The following FAM186A variants were observed in gnomAD, a reference collection of about 807,000 sequenced individuals.
FAM186A encodes the protein protein FAM186A.
Under a neutral mutation model 216.8 loss-of-function variants are expected in FAM186A, and 163 were observed. The ratio of observed to expected loss-of-function variants is 0.75; its 90% CI spans 0.66 to 0.86. The LOEUF (loss-of-function observed/expected upper bound fraction) is 0.86, where lower values mean the gene tolerates loss of function less well. Among genes scored for constraint, FAM186A ranks in the 40% least tolerant of loss-of-function variants. The pLI is 0.00. For missense variants in FAM186A, 2,184 were observed against 2,746.2 expected, an observed-to-expected ratio of 0.80 and a Z score of 4.58; for synonymous variants, 805 against 1,025.3, an observed-to-expected ratio of 0.79 and a Z score of 4.10.
chr12:50,383,350 A>C (rs1470112762), intron 1 of FAM186A, among the ~76,000 whole-genome samples: 1 of 145,574 alleles, frequency 6.9e-6, no homozygotes, highest in Non-Finnish European at 1.5e-5. Context: ...TAATCCCAGC[A>C]CTTTGGGAGG....
intron 5 of FAM186A, among the ~76,000 whole-genome samples, chr12:50,333,208 G>A (rs1053357798): frequency 6.6e-6 from 1 of 152,016 alleles, no homozygotes; most frequent in African/African-American, 2.4e-5. Flanking sequence ...GATATAAAAT[G>A]TTTCTAGAAC....
intron 4 of FAM186A, among the ~76,000 whole-genome samples, chr12:50,342,862 C>G (rs779047926): frequency 2.6e-5 from 4 of 151,546 alleles, no homozygotes; most frequent in Non-Finnish European, 5.9e-5. Context: ...TCCTTGAACT[C>G]CTGGGCTCAA....
intron 4 of FAM186A, among the ~76,000 whole-genome samples, chr12:50,349,225 T>C (rs75289180): frequency 4.0e-5 from 6 of 151,670 alleles, no homozygotes; most frequent in South Asian, 2.1e-4. Context: ...CTTTTTTTTT[T>C]CCCTGAGACT....
rs1398659349 is a variant in FAM186A at position 50,351,216 on chromosome 12, G to A, written c.5616C>T (p.Asp1872=). 6 of 1,551,640 alleles carry A rather than the reference G, an allele frequency of 3.9e-6. No homozygotes were observed. The highest frequency in any genetic ancestry group is 2.0e-5 in the Admixed American group (1 of 51,002). Reference sequence around the variant, plus strand: ...AGGTTAAGGGTCCAGATTCCAGGAGGTCCCCAGGGATGGAAGAGGCTTCAG... The same window carrying A: ...AGGTTAAGGGTCCAGATTCCAGGAGATCCCCAGGGATGGAAGAGGCTTCAG... ...LVPEASSIPG[D]LLESGPLTFS... is the part of the protein sequence containing the mutation. The change falls in exon 4 of 8, where the codon GAC becomes GAT. Residue 1872 remains aspartate (D), a synonymous_variant. Transcript: ENST00000327337.
chr12:50,360,084 A>G (rs1483356978), intron 3 of FAM186A, among the ~76,000 whole-genome samples: 1 of 152,002 alleles, frequency 6.6e-6, no homozygotes, highest in Non-Finnish European at 1.5e-5. Context: ...CTCTACAAAA[A>G]GTACAAAAAA....
rs1486569545 is a variant in FAM186A, at chr12:50,352,666, G to A, written c.4166C>T (p.Pro1389Leu). The change falls in exon 4 of 8, where the codon CCT becomes CTT. Residue 1389 changes from proline (P) to leucine (L), a missense_variant. By Grantham distance (98) the Pro-to-Leu change is moderately conservative (BLOSUM62 -3). Around this residue, in one of 7 missense-constraint regions of FAM186A, gnomAD observed 267 missense variants for 446.2 expected, o/e 0.60. Transcript: ENST00000327337. Reference sequence around the variant, plus strand: ...CATCCCCAAGGCCTGAGCCTGCTGAGGGGTGAGAGGGATCCCCAGTTCCTG... The same window carrying A: ...CATCCCCAAGGCCTGAGCCTGCTGAAGGGTGAGAGGGATCCCCAGTTCCTG... ...QAQELGIPLT[P>L]QQAQALGMPL... is the part of the protein sequence containing the mutation. 1 of 1,525,508 alleles carries A rather than the reference G, an allele frequency of 6.6e-7. No individual in the cohort carries two copies. Among genetic ancestry groups the A allele is most frequent in the East Asian group, 2.5e-5 (1 of 39,330 alleles). 94.5% of individuals were successfully genotyped at this position (1,525,508 alleles called of 1,614,324 possible).
intron 4 of FAM186A, among the ~76,000 whole-genome samples, chr12:50,335,933 G>A (rs1372348810): frequency 6.6e-6 from 1 of 151,928 alleles, no homozygotes; most frequent in Non-Finnish European, 1.5e-5. Flanking sequence ...AGACCAGACT[G>A]ACCAACATGG....
chr12:50,363,209 G>T lies in FAM186A; in HGVS notation c.348C>A (p.Tyr116Ter), dbSNP rs1053144346. 2 of 1,551,368 alleles carry T rather than the reference G, an allele frequency of 1.3e-6. No homozygotes were observed. The highest frequency in any genetic ancestry group is 2.7e-5 in the African/African-American group (2 of 73,020). Residue 116 changes from tyrosine (Y) to a stop codon, truncating the protein, a stop_gained, in exon 2 of 8, where the codon TAC (tyrosine) becomes TAA (stop). Transcript: ENST00000327337. LOFTEE classifies it high-confidence loss of function. ...TTTCTCTTATTTCAATAGTCTTAGC[G>T]TAAGTAGCCATTTTCTCAAGAAAAT... ...RTNFLEKMAT[Y>*]AKTIEIREKT...
intron 3 of FAM186A, among the ~76,000 whole-genome samples, chr12:50,357,894 G>A (rs1942994414): frequency 6.6e-6 from 1 of 151,894 alleles, no homozygotes; most frequent in African/African-American, 2.4e-5. Flanking sequence ...CAGGAGAATC[G>A]CTGAACCCAG....
In FAM186A at chr12:50,346,772, G is replaced by A. The variant is rs537533834; in HGVS notation, c.6503+3557C>T. Among the ~76,000 whole-genome samples the A allele has an allele frequency of 2.6e-4, 39 of 152,120 alleles. No individual in the cohort carries two copies. The South Asian group carries it at 3.3e-3, about 13-fold the overall frequency. On this transcript the variant is annotated intron_variant, in intron 4 of 7. Transcript: ENST00000327337. ...TGAGGCAGGAGAATGGCGTGAATGC[G>A]GGAGGCAGAGCTTGCAGTGAGTGGA...
intron 4 of FAM186A, among the ~76,000 whole-genome samples, chr12:50,344,733 G>A (rs1333972739): frequency 6.6e-6 from 1 of 152,172 alleles, no homozygotes; most frequent in Non-Finnish European, 1.5e-5. Flanking sequence ...TTGGGAGGCT[G>A]GGGCAGGAGG....
chr12:50,357,402 T>A (rs529573006), intron 3 of FAM186A, among the ~76,000 whole-genome samples: 40 of 150,394 alleles, frequency 2.7e-4, no homozygotes, highest in African/African-American at 9.8e-4. Flanking sequence ...CTTGGGAGGC[T>A]GAGGCAGGAG....
intron 4 of FAM186A, among the ~76,000 whole-genome samples, chr12:50,343,292 T>A (rs1348370011): frequency 6.6e-6 from 1 of 152,178 alleles, no homozygotes; most frequent in East Asian, 1.9e-4. Context: ...TCCTCCCGCC[T>A]TAGCTTCCCA....
Position 50,352,921 on chromosome 12 carries a change from G to T in FAM186A, c.3911C>A (p.Thr1304Asn). 1 of 1,534,736 alleles carries T rather than the reference G, an allele frequency of 6.5e-7. No homozygotes were observed. The highest frequency in any genetic ancestry group is 1.2e-5 in the South Asian group (1 of 83,124). The change falls in exon 4 of 8, where the codon ACC (threonine) becomes AAC (asparagine). Residue 1304 changes from threonine (T) to asparagine (N), a missense_variant. Transcript: ENST00000327337. ...QQAQTLGIPL[T>N]PKQAQALGIP... ...CCCCAGAGCCTGTGCCTGCTTAGGG[G>T]TGAGAGGGATCCCCAGGGTCTGGGC...
At chr12:50,367,246 C>T (rs769062135) in intron 1 of FAM186A, among the ~76,000 whole-genome samples, 2 of 152,026 alleles carry the variant, frequency 1.3e-5, no homozygotes, top group African/African-American at 2.4e-5. Context: ...AGGCCAGACA[C>T]GGTGCCTCAC....
intron 2 of FAM186A, among the ~76,000 whole-genome samples, 183 bp downstream of exon 2, chr12:50,362,962 T>A (rs1943050614): frequency 6.6e-6 from 1 of 152,188 alleles, no homozygotes; most frequent in Non-Finnish European, 1.5e-5. Context: ...TAGCTGGCAC[T>A]AAGTGAATAA....
chr12:50,327,345 G>C lies in FAM186A; in HGVS notation c.*38C>G. ...AATAGGCATTTTACTGAAAGATACT[G>C]AAATGTACTTTCAACATGCTTGTAT... On this transcript the variant is annotated 3_prime_UTR_variant, in exon 8 of 8. Transcript: ENST00000327337. 1 of 1,509,458 alleles carries C rather than the reference G, an allele frequency of 6.6e-7. No homozygotes were observed. Among genetic ancestry groups the C allele is most frequent in the Non-Finnish European group, 9.0e-7 (1 of 1,109,304 alleles). 93.5% of individuals were successfully genotyped at this position (1,509,458 alleles called of 1,614,324 possible). A position where few individuals can be genotyped will look rare whatever the true frequency, so the allele number is the denominator to read the frequency against.
chr12:50,373,168 G>T (rs566785975), intron 1 of FAM186A, among the ~76,000 whole-genome samples: 1 of 152,232 alleles, frequency 6.6e-6, no homozygotes, highest in East Asian at 1.9e-4. Context: ...GGAGGCCGAG[G>T]TGGGCATATC....
At chr12:50,394,847 C>T (rs1223505763) in intron 1 of FAM186A, among the ~76,000 whole-genome samples, 1 of 146,518 alleles carries the variant, frequency 6.8e-6, no homozygotes, top group Non-Finnish European at 1.5e-5. Flanking sequence ...TCTCAAGGGA[C>T]CTTCCCGAGT....
Sources: gnomAD v4.1 joint callset for allele counts (sites outside exome capture counted in the v4.1 genomes callset) on GRCh38, gnomAD v4.1.1 for gene constraint, gnomAD v4.1.1 regional missense constraint, MANE v1.5 for transcripts, NCBI Gene and HGNC (gene_info 2026-07-23, HGNC 2026-07-21) for gene names.